The following AKR1B15 variants were observed in gnomAD, a reference collection of about 807,000 sequenced individuals.
The protein encoded by AKR1B15 is estradiol 17-beta-dehydrogenase AKR1B15.
AKR1B15 carries 49 observed loss-of-function variants against 38.5 expected under a neutral mutation model. The observed-to-expected ratio is 1.27, with a 90% CI of 1.01 to 1.62. AKR1B15 has a LOEUF of 1.62. Ranked by LOEUF, AKR1B15 falls within the 40% of genes most tolerant of loss-of-function variation. AKR1B15 has a pLI of 0.00. For synonymous variants in AKR1B15, 137 were observed against 135.5 expected (o/e 1.01, Z -0.08); for missense variants, 411 against 381.6 (o/e 1.08, Z -0.64).
At chr7:134,573,277 C>G in intron 6 of AKR1B15, 1 of 715,738 alleles carries the variant, frequency 1.4e-6, no homozygotes, top group Non-Finnish European at 1.7e-6. Flanking sequence ...GGGATCCACC[C>G]GTCTCAGCCT....
chr7:134,558,420 C>T (rs1192492264), intron 2 of AKR1B15, among the ~76,000 whole-genome samples: 2 of 152,192 alleles, frequency 1.3e-5, no homozygotes, highest in African/African-American at 4.8e-5. Flanking sequence ...TAATTGAAAA[C>T]ATCATACCCA....
rs575456222 is a variant in AKR1B15, at chr7:134,576,501, G to A, written c.825+71G>A. ...AGTCTCATGTTTCATTTCTCGTGTT[G>A]TCCTCAACTGACTCCTTAAAGGGGA... On this transcript the variant is annotated intron_variant, in intron 9 of 11. Coordinates refer to ENST00000457545, the MANE Select transcript of AKR1B15 (RefSeq NM_001080538.3). The A allele has an allele frequency of 5.2e-5, 81 of 1,548,330 alleles. 2 individuals are homozygous for A. In the South Asian group the frequency reaches 8.7e-4, roughly 17 times the overall value.
intron 1 of AKR1B15, among the ~76,000 whole-genome samples, chr7:134,549,789 A>C (rs527682971): frequency 2.6e-5 from 4 of 152,230 alleles, no homozygotes; most frequent in Admixed American, 6.5e-5. Context: ...CCCAGTGCCT[A>C]TTGTCCTGTT....
At chr7:134,562,256 G>A (rs114147109) in intron 2 of AKR1B15, among the ~76,000 whole-genome samples, 4 of 152,204 alleles carry the variant, frequency 2.6e-5, no homozygotes, top group African/African-American at 9.6e-5. Context: ...CAAAGAGTGA[G>A]CAGCAGGAAG....
chr7:134,567,123 CA>C (rs1794554826), intron 3 of AKR1B15, among the ~76,000 whole-genome samples: 1 of 152,170 alleles, frequency 6.6e-6, no homozygotes, highest in East Asian at 1.9e-4. Context: ...TGCCAGGTGG[CA>C]GCCCGTTTCT....
At chr7:134,555,381 G>A (rs1562941449) in intron 1 of AKR1B15, among the ~76,000 whole-genome samples, 1 of 151,922 alleles carries the variant, frequency 6.6e-6, no homozygotes, top group Non-Finnish European at 1.5e-5. Flanking sequence ...AAGGTGGACG[G>A]CACTCCTGCT....
intron 2 of AKR1B15, among the ~76,000 whole-genome samples, chr7:134,563,375 C>T (rs1478238633): frequency 6.6e-6 from 1 of 152,146 alleles, no homozygotes; most frequent in Non-Finnish European, 1.5e-5. Context: ...TGAAACCAGT[C>T]TGTCTCTACT....
chr7:134,556,425 T>C (rs905808008), intron 1 of AKR1B15, among the ~76,000 whole-genome samples: 4 of 152,186 alleles, frequency 2.6e-5, no homozygotes, highest in African/African-American at 9.7e-5. Flanking sequence ...TTGTCATACG[T>C]GCCCCCATGC....
At chr7:134,565,224 C>G (rs188988975) in intron 3 of AKR1B15, 3 of 494,800 alleles carry the variant, frequency 6.1e-6, no homozygotes, top group Middle Eastern at 5.8e-4. Context: ...AGAGCTACAA[C>G]GATCACCACG....
At chr7:134,567,980 G>C (rs1356079580) in intron 3 of AKR1B15, among the ~76,000 whole-genome samples, 178 bp from the exon 4 acceptor site, 3 of 152,148 alleles carry the variant, frequency 2.0e-5, no homozygotes, top group Non-Finnish European at 4.4e-5. Flanking sequence ...TGGGGCAGGT[G>C]AAGGTGGTCT....
At position 134,579,750 on chromosome 7, in the gene AKR1B15, C is replaced by T; in HGVS notation, c.*201C>T. The T allele has an allele frequency of 4.0e-6, 2 of 505,788 alleles. No homozygotes were observed. The highest frequency in any genetic ancestry group is 6.8e-6 in the Non-Finnish European group (2 of 292,794). 31.3% of individuals were successfully genotyped at this position (505,788 alleles called of 1,614,324 possible). A position where few individuals can be genotyped will look rare whatever the true frequency, so the allele number is the denominator to read the frequency against. ...ATAAGAATATCACAGAAAAGCATGG[C>T]CTGAATAAGCAAATGACAATTTTTT... On this transcript the variant is annotated 3_prime_UTR_variant, in exon 12 of 12. Coordinates refer to ENST00000457545, the MANE Select transcript of AKR1B15 (RefSeq NM_001080538.3).
chr7:134,549,563 G>A (rs553911753), intron 1 of AKR1B15, among the ~76,000 whole-genome samples: 3 of 152,242 alleles, frequency 2.0e-5, no homozygotes, highest in East Asian at 1.9e-4. Context: ...TAGGGAATTC[G>A]AGAAGGCCCT....
intron 3 of AKR1B15, 38 bp from the exon 4 acceptor site, chr7:134,568,120 A>G: frequency 6.2e-7 from 1 of 1,612,110 alleles, no homozygotes; most frequent in East Asian, 2.2e-5. Context: ...TCTTAAAAAA[A>G]AAATACATGT....
chr7:134,569,309 T>A, intron 4 of AKR1B15, 104 bp from the exon 5 acceptor site: 1 of 1,369,710 alleles, frequency 7.3e-7, no homozygotes, highest in Non-Finnish European at 1.0e-6. Context: ...ATAGATGGCC[T>A]GAGCCAGGTT....
At position 134,577,701 on chromosome 7, in the gene AKR1B15, T is replaced by C. The variant is rs368796813; in HGVS notation, c.910-3T>C. On this transcript the variant is annotated splice_region_variant and splice_polypyrimidine_tract_variant and intron_variant, in intron 10 of 11. Transcript: ENST00000457545. ...TAATGTATTGGAATTCTTTCCTTTC[T>C]AGGTCTTTGACTTTAAATTGAGTGA... The C allele has an allele frequency of 2.7e-5, 44 of 1,613,328 alleles. No individual in the cohort carries two copies. Among genetic ancestry groups the C allele is most frequent in the Middle Eastern group, 3.3e-4 (2 of 6,080 alleles).
At chr7:134,561,612 A>G (rs895901220) in intron 2 of AKR1B15, among the ~76,000 whole-genome samples, 34 of 152,204 alleles carry the variant, frequency 2.2e-4, no homozygotes, top group Non-Finnish European at 4.6e-4. Context: ...GCCTTCTATG[A>G]GCTGTCGTAA....
intron 1 of AKR1B15, among the ~76,000 whole-genome samples, chr7:134,552,865 C>T (rs959199956): frequency 2.0e-5 from 3 of 151,406 alleles, no homozygotes; most frequent in Admixed American, 6.5e-5. Flanking sequence ...AATTCCCCCA[C>T]CCTTTTTAGG....
At chr7:134,550,520 C>T (rs997138465) in intron 1 of AKR1B15, among the ~76,000 whole-genome samples, 34 of 152,168 alleles carry the variant, frequency 2.2e-4, no homozygotes, top group African/African-American at 8.0e-4. Context: ...ACCTCTTATC[C>T]TCTCCATAGA....
At chr7:134,577,647 T>C (rs1585817440) in intron 10 of AKR1B15, 57 bp from the exon 11 acceptor site, 2 of 1,575,930 alleles carry the variant, frequency 1.3e-6, no homozygotes, top group Non-Finnish European at 1.7e-6. Flanking sequence ...GCCGGCAGTC[T>C]CCAGCCACAG....
Sources: allele counts gnomAD v4.1 joint callset (sites outside exome capture counted in the v4.1 genomes callset), GRCh38; gene constraint gnomAD v4.1.1; transcripts MANE v1.5; gene names NCBI Gene and HGNC (gene_info 2026-07-23, HGNC 2026-07-21).